The following CLCN2 variants were observed in gnomAD, a reference collection of about 807,000 sequenced individuals.
CLCN2 encodes the protein chloride channel protein 2.
In CLCN2, 72 loss-of-function variants were observed where a neutral mutation model predicts 108.3. That is an observed-to-expected ratio of 0.66 (90% confidence interval 0.55 to 0.81). The LOEUF (loss-of-function observed/expected upper bound fraction) is 0.81. Ranked by LOEUF, CLCN2 falls within the 30% of genes least tolerant of loss-of-function variation. The pLI is 0.00. For missense variants in CLCN2, 1,048 were observed against 1,205.2 expected, an observed-to-expected ratio of 0.87 and a Z score of 1.93; for synonymous variants, 471 against 467.1, an observed-to-expected ratio of 1.01 and a Z score of -0.11.
intron 3 of CLCN2, 163 bp downstream of exon 3, chr3:184,358,519 T>C: frequency 8.8e-7 from 1 of 1,140,468 alleles, no homozygotes; most frequent in Non-Finnish European, 1.3e-6. Flanking sequence ...AGCTGTGCCC[T>C]GTGGGAGTGG....
At chr3:184,353,524 C>CAG in intron 16 of CLCN2, 102 bp from the exon 17 acceptor site, 7 of 1,544,204 alleles carry the variant, frequency 4.5e-6, no homozygotes. Flanking sequence ...AGGCCACACA[C>CAG]CAGAGGGAAG....
Position 184,353,372 on chromosome 3 carries a change from A to G in CLCN2, c.1906T>C (p.Leu636=). The G allele has an allele frequency of 6.2e-7, 1 of 1,613,036 alleles. No homozygotes were observed. Among genetic ancestry groups the G allele is most frequent in the Non-Finnish European group, 8.5e-7 (1 of 1,179,826 alleles). The change falls in exon 17 of 24, where the codon TTG becomes CTG. Residue 636 remains leucine (L), a synonymous_variant. Coordinates refer to ENST00000265593, the MANE Select transcript of CLCN2 (RefSeq NM_004366.6). ...SIERSQVVAL[L]GAQLSPARRR... ...CGGGCTGGGCTCAGCTGGGCCCCCA[A>G]CAATGCCACCACCTGTGAACGCTCG... is the stretch of plus-strand genomic sequence containing the variant.
At chr3:184,356,215 G>T in intron 10 of CLCN2, 1 of 268,932 alleles carries the variant, frequency 3.7e-6, no homozygotes. Context: ...AAGTTGACCA[G>T]AGGTGCGTAG....
chr3:184,358,979 G>A lies in CLCN2; in HGVS notation c.216C>T (p.Cys72=), dbSNP rs1711629741. Residue 72 remains cysteine, a synonymous_variant, in exon 2 of 24, where the codon TGC becomes TGT. Coordinates refer to ENST00000265593, the MANE Select transcript of CLCN2 (RefSeq NM_004366.6). ...TGCCCCCACCCCAGTTCTCACCGCG[G>A]CATCGGGCGCAACGGCTCCGTCCAT... ...LEYGRSRCAR[C]RVCSVRCHKF... The A allele has an allele frequency of 1.9e-6, 3 of 1,613,530 alleles. No homozygotes were observed. In the East Asian group the frequency reaches 6.7e-5, roughly 36 times the overall value.
At chr3:184,354,880 G>GT in intron 13 of CLCN2, 24 bp downstream of exon 13, 1 of 1,611,026 alleles carries the variant, frequency 6.2e-7, no homozygotes, top group Middle Eastern at 1.7e-4. Flanking sequence ...TGCAGGCTGG[G>GT]TGAGCAGGCA....
At chr3:184,352,576 G>T in intron 19 of CLCN2, 80 bp from the exon 20 acceptor site, 1 of 1,517,652 alleles carries the variant, frequency 6.6e-7, no homozygotes, top group Non-Finnish European at 9.1e-7. Context: ...AAGTGGTGGA[G>T]CCCAGGGGAA....
At position 184,361,447 on chromosome 3, in the gene CLCN2, C is replaced by T; in HGVS notation, c.33G>A (p.Glu11=). 3 of 1,613,304 alleles carry T rather than the reference C, an allele frequency of 1.9e-6. No homozygotes were observed. The highest frequency in any genetic ancestry group is 1.1e-5 in the South Asian group (1 of 91,090). MAAAAAEEGM[E]PRALQYEQTL... ...TCTGCTCGTACTGCAGCGCCCGTGGCTCCATCCCTTCCTCCGCCGCCGCGG... is the reference window on the plus strand; with the variant it reads ...TCTGCTCGTACTGCAGCGCCCGTGGTTCCATCCCTTCCTCCGCCGCCGCGG... Residue 11 remains glutamate (E), a synonymous_variant, in exon 1 of 24, where the codon GAG becomes GAA. Transcript: ENST00000265593. The surrounding 1 kb of genome is among the most constrained non-coding windows in gnomAD (Gnocchi z 6.6).
rs568340677 is a variant in CLCN2, at chr3:184,346,563, T to G, written c.*43A>C. ...GGAATGAAAGATGCACATTCTGGGC[T>G]GACGGGCATGGCTAGCACCATCCTA... On this transcript the variant is annotated 3_prime_UTR_variant, in exon 24 of 24. Coordinates refer to ENST00000265593, the MANE Select transcript of CLCN2 (RefSeq NM_004366.6). The surrounding 1 kb of genome is among the most constrained non-coding windows in gnomAD (Gnocchi z 6.0). 1 of 1,606,368 alleles carries G rather than the reference T, an allele frequency of 6.2e-7. No individual in the cohort carries two copies. Among genetic ancestry groups the G allele is most frequent in the Admixed American group, 1.7e-5 (1 of 60,016 alleles).
In CLCN2 at chr3:184,353,431, A is replaced by C. The variant is rs1728287693; in HGVS notation, c.1856-9T>G. 4 of 1,600,542 alleles carry C rather than the reference A, an allele frequency of 2.5e-6. No individual in the cohort carries two copies. Among genetic ancestry groups the C allele is most frequent in the Non-Finnish European group, 2.6e-6 (3 of 1,173,268 alleles). On this transcript the variant is annotated splice_polypyrimidine_tract_variant and intron_variant, in intron 16 of 23. Coordinates refer to ENST00000265593, the MANE Select transcript of CLCN2 (RefSeq NM_004366.6). ...CAGCAGAATCATGGACTCTGGACAG[A>C]ACAGGTGGAAGGACTCAGGAGCTGA...
intron 22 of CLCN2, among the ~76,000 whole-genome samples, chr3:184,349,740 A>C (rs527523103): frequency 6.6e-6 from 1 of 152,224 alleles, no homozygotes; most frequent in East Asian, 1.9e-4. Context: ...CCCATTTTAC[A>C]GATCGGGAAA....
chr3:184,353,730 G>T lies in CLCN2; in HGVS notation c.1787C>A (p.Thr596Asn). Residue 596 changes from threonine to asparagine, a missense_variant, in exon 16 of 24, where the codon ACC becomes AAC. Physicochemically the swap from Thr to Asn is moderately conservative, Grantham distance 65. Coordinates refer to ENST00000265593, the MANE Select transcript of CLCN2 (RefSeq NM_004366.6). The stretch of plus-strand genomic sequence containing the variant: ...CAGTGCCAAACGCAGGTCCCGGAAG[G>T]TGCAGCTGAGGGCCACATGGGGAAC... ...RDVPHVALSC[T>N]FRDLRLALHR... is the part of the protein sequence containing the mutation. 2 of 1,608,554 alleles carry T rather than the reference G, an allele frequency of 1.2e-6. No homozygotes were observed. Among genetic ancestry groups the T allele is most frequent in the Non-Finnish European group, 1.7e-6 (2 of 1,177,932 alleles).
intron 18 of CLCN2, 53 bp downstream of exon 18, chr3:184,352,980 T>A: frequency 6.4e-7 from 1 of 1,572,032 alleles, no homozygotes; most frequent in Non-Finnish European, 8.8e-7. Flanking sequence ...GGGACTCTAA[T>A]GGATCTCAGT....
At position 184,354,147 on chromosome 3, in the gene CLCN2, T is replaced by C. The variant is rs1310169872; in HGVS notation, c.1675A>G (p.Ile559Val). The change falls in exon 15 of 24, where the codon ATC (isoleucine) becomes GTC (valine). Residue 559 changes from isoleucine (I) to valine (V), a missense_variant. Ile to Val is a conservative substitution (Grantham distance 29). Transcript: ENST00000265593. Reference protein sequence around the residue: ...QPSLYDSIIRIKKLPYLPELG... With the variant: ...QPSLYDSIIRVKKLPYLPELG... ...TCAGGCAGGTAGGGCAGTTTCTTGATTCGGATGATGCTGTCATAGAGGGAG... is the reference window on the plus strand; with the variant it reads ...TCAGGCAGGTAGGGCAGTTTCTTGACTCGGATGATGCTGTCATAGAGGGAG... The C allele has an allele frequency of 1.9e-6, 3 of 1,612,604 alleles. No homozygotes were observed. The highest frequency in any genetic ancestry group is 2.5e-6 in the Non-Finnish European group (3 of 1,179,812).
At position 184,358,882 on chromosome 3, in the gene CLCN2, C is replaced by A. The variant is rs1373642651; in HGVS notation, c.221-69G>T. On this transcript the variant is annotated intron_variant, in intron 2 of 23. Transcript: ENST00000265593. ...GCTCCTACCCCTTTTACTGCCCCCT[C>A]AACTGTCCCCTCTCCCCCATCAGCA... is the stretch of plus-strand genomic sequence containing the variant. The A allele has an allele frequency of 6.2e-6, 10 of 1,613,236 alleles. No individual in the cohort carries two copies. In the East Asian group the frequency reaches 2.2e-4, roughly 36 times the overall value.
At position 184,352,456 on chromosome 3, in the gene CLCN2, C is replaced by G. The variant is rs151278282; in HGVS notation, c.2258G>C (p.Arg753Pro). The change falls in exon 20 of 24, where the codon CGA (arginine) becomes CCA (proline). Residue 753 changes from arginine to proline, a missense_variant. Coordinates refer to ENST00000265593, the MANE Select transcript of CLCN2 (RefSeq NM_004366.6). ...AGGCATACTTACTGCCAGGGAGATT[C>G]GGACACGCTTCAGCTTGCGCTTCTC... ...SCEKRKLKRV[R>P]ISLASDADLE... 3.5e-5 allele frequency: 57 copies of G among 1,613,162 alleles called. No homozygotes were observed. Among genetic ancestry groups the G allele is most frequent in the South Asian group, 5.5e-5 (5 of 90,978 alleles).
At chr3:184,353,455 G>A (rs1344760044) in intron 16 of CLCN2, 33 bp from the exon 17 acceptor site, 3 of 1,578,818 alleles carry the variant, frequency 1.9e-6, no homozygotes, top group Non-Finnish European at 2.6e-6. Context: ...CTCAGGAGCT[G>A]AGAGGGAGCC....
At chr3:184,353,877 G>A (rs1174902252) in intron 15 of CLCN2, 82 bp from the exon 16 acceptor site, 9 of 1,560,852 alleles carry the variant, frequency 5.8e-6, no homozygotes, top group South Asian at 3.5e-5. Context: ...GCCACAAGGA[G>A]GGCTCCAGAG....
chr3:184,359,224 C>T (rs561574541), intron 1 of CLCN2, 93 bp from the exon 2 acceptor site: 4 of 1,451,732 alleles, frequency 2.8e-6, no homozygotes, highest in East Asian at 2.3e-5. Flanking sequence ...CTTCTCCCAG[C>T]CCCCACACTG....
intron 22 of CLCN2, 96 bp from the exon 23 acceptor site, chr3:184,347,117 G>A: frequency 9.9e-7 from 1 of 1,013,732 alleles, no homozygotes; most frequent in Non-Finnish European, 1.6e-6. Context: ...GTGTGGAATA[G>A]GAGGGGTGCC....
Sources: allele counts gnomAD v4.1 joint callset (sites outside exome capture counted in the v4.1 genomes callset), GRCh38; gene constraint gnomAD v4.1.1; non-coding constraint Gnocchi (gnomAD v3.1); transcripts MANE v1.5; gene names NCBI Gene and HGNC (gene_info 2026-07-23, HGNC 2026-07-21).